Variants in CNTNAP2 observed in about 807,000 individuals in gnomAD.
The protein encoded by CNTNAP2 is contactin associated protein 2.
CNTNAP2 carries 98 observed loss-of-function variants against 155.2 expected under a neutral mutation model. The ratio of observed to expected loss-of-function variants is 0.63; its 90% CI spans 0.54 to 0.75. The LOEUF is 0.75. Ranked by LOEUF, CNTNAP2 falls within the 30% of genes least tolerant of loss-of-function variation. The pLI is 0.00. For missense variants in CNTNAP2, 1,727 were observed against 1,688.1 expected, an observed-to-expected ratio of 1.02 and a Z score of -0.40; for synonymous variants, 651 against 631.2, an observed-to-expected ratio of 1.03 and a Z score of -0.47.
rs190269481 is a variant in CNTNAP2, at chr7:146,827,237, C to T, written c.209-12474C>T. ...GGCAGTGGTTATTAAATAATGAATA[C>T]AAATAATTTCTTGACTTAAAAACAA... On this transcript the variant is annotated intron_variant, in intron 2 of 23. Transcript: ENST00000361727. Among the ~76,000 whole-genome samples the T allele has an allele frequency of 2.1e-4, 32 of 152,022 alleles. No homozygotes were observed. The East Asian group carries it at 6.2e-3, about 29-fold the overall frequency.
intron 1 of CNTNAP2, among the ~76,000 whole-genome samples, chr7:146,718,153 C>T (rs553495386): frequency 3.0e-4 from 45 of 152,094 alleles, no homozygotes; most frequent in Admixed American, 2.0e-4. Context: ...GTTTACCATA[C>T]GCATAGTTAT....
chr7:147,217,406 T>A (rs1393863327), intron 8 of CNTNAP2, among the ~76,000 whole-genome samples: 1 of 152,062 alleles, frequency 6.6e-6, no homozygotes, highest in Non-Finnish European at 1.5e-5. Flanking sequence ...TTTATTAATA[T>A]ACTTATGTGA....
At chr7:147,060,843 G>A (rs958896236) in intron 4 of CNTNAP2, among the ~76,000 whole-genome samples, 15 of 142,076 alleles carry the variant, frequency 1.1e-4, no homozygotes, top group African/African-American at 4.4e-4. Flanking sequence ...CAGCCTGGGG[G>A]ACAGAGCGAG....
intron 15 of CNTNAP2, among the ~76,000 whole-genome samples, chr7:148,043,207 G>A (rs1413855819): frequency 6.6e-6 from 1 of 152,172 alleles, no homozygotes; most frequent in Non-Finnish European, 1.5e-5. Context: ...TACAGCCCTT[G>A]CAAAGCACAT....
At chr7:146,976,512 G>A (rs1346753546) in intron 3 of CNTNAP2, among the ~76,000 whole-genome samples, 1 of 152,108 alleles carries the variant, frequency 6.6e-6, no homozygotes, top group Non-Finnish European at 1.5e-5. Flanking sequence ...CAGAACTCAG[G>A]GAAAGACTTA....
chr7:147,589,317 T>C (rs766945774), intron 12 of CNTNAP2, among the ~76,000 whole-genome samples: 2 of 152,202 alleles, frequency 1.3e-5, no homozygotes, highest in African/African-American at 2.4e-5. Flanking sequence ...CGACTGATTA[T>C]AATCCTTGGC....
intron 11 of CNTNAP2, among the ~76,000 whole-genome samples, chr7:147,490,019 A>G (rs867148302): frequency 6.6e-6 from 1 of 152,218 alleles, no homozygotes; most frequent in Non-Finnish European, 1.5e-5. Context: ...AATGAATGCA[A>G]GAGGTTAAAG....
chr7:147,065,702 A>G, intron 4 of CNTNAP2, among the ~76,000 whole-genome samples: 1 of 152,244 alleles, frequency 6.6e-6, no homozygotes, highest in Middle Eastern at 3.4e-3. Context: ...TCCATTATCA[A>G]TTTCTTAAAG....
chr7:146,802,097 T>C (rs1802888731), intron 2 of CNTNAP2, among the ~76,000 whole-genome samples: 1 of 152,192 alleles, frequency 6.6e-6, no homozygotes, highest in African/African-American at 2.4e-5. Flanking sequence ...TTCAGCAGCT[T>C]AAAACAACAC....
intron 13 of CNTNAP2, among the ~76,000 whole-genome samples, chr7:147,854,574 G>A (rs899717959): frequency 6.6e-6 from 1 of 152,118 alleles, no homozygotes; most frequent in African/African-American, 2.4e-5. Flanking sequence ...CCTACTTCAA[G>A]GTTATGTTCT....
In CNTNAP2 at chr7:146,439,599, G is replaced by T. The variant is rs139564876; in HGVS notation, c.97+322626G>T. ...ATTTCCAGAAGCCCCCAAACAAAAT[G>T]CCATCTGCATCTACTTCTTCATATT... On this transcript the variant is annotated intron_variant, in intron 1 of 23. Coordinates refer to ENST00000361727, the MANE Select transcript of CNTNAP2 (RefSeq NM_014141.6). Among the ~76,000 whole-genome samples the T allele has an allele frequency of 1.4e-3, 207 of 151,504 alleles. 8 individuals are homozygous for T. Among genetic ancestry groups the T allele is most frequent in the African/African-American group, 4.7e-3 (193 of 40,888 alleles).
chr7:148,201,659 T>C (rs1174185696), intron 18 of CNTNAP2, among the ~76,000 whole-genome samples: 1 of 152,118 alleles, frequency 6.6e-6, no homozygotes, highest in Non-Finnish European at 1.5e-5. Flanking sequence ...AACTAAACTT[T>C]GTGCCCCGTC....
At chr7:146,708,214 C>T (rs921054830) in intron 1 of CNTNAP2, among the ~76,000 whole-genome samples, 6 of 152,114 alleles carry the variant, frequency 3.9e-5, no homozygotes, top group African/African-American at 1.4e-4. Flanking sequence ...TGCTCACAAA[C>T]CTGTAAATTG....
intron 1 of CNTNAP2, among the ~76,000 whole-genome samples, chr7:146,691,153 T>A (rs1800691368): frequency 6.6e-6 from 1 of 151,660 alleles, no homozygotes; most frequent in Non-Finnish European, 1.5e-5. Flanking sequence ...GCCATTTTCT[T>A]AATATTTCCA....
chr7:146,532,440 A>G (rs995764301), intron 1 of CNTNAP2, among the ~76,000 whole-genome samples: 3 of 152,136 alleles, frequency 2.0e-5, no homozygotes. Context: ...GAACATTTCT[A>G]ACTTTTTTTT....
At chr7:146,681,797 C>A (rs1800509642) in intron 1 of CNTNAP2, among the ~76,000 whole-genome samples, 2 of 152,036 alleles carry the variant, frequency 1.3e-5, no homozygotes, top group Admixed American at 1.3e-4. Context: ...GATTAAGTGC[C>A]TTGCTAAAAG....
At chr7:147,760,749 G>A (rs1797286174) in intron 13 of CNTNAP2, among the ~76,000 whole-genome samples, 1 of 152,168 alleles carries the variant, frequency 6.6e-6, no homozygotes, top group African/African-American at 2.4e-5. Context: ...AATTCAACAA[G>A]TTGCCATTAA....
chr7:147,895,823 T>C (rs556619835), intron 13 of CNTNAP2, among the ~76,000 whole-genome samples: 6 of 152,340 alleles, frequency 3.9e-5, no homozygotes, highest in African/African-American at 1.2e-4. Flanking sequence ...GAATATAAAA[T>C]ACACAACAAA....
intron 1 of CNTNAP2, among the ~76,000 whole-genome samples, chr7:146,684,480 T>C (rs755630821): frequency 6.6e-6 from 1 of 152,046 alleles, no homozygotes; most frequent in Non-Finnish European, 1.5e-5. Context: ...TTGACTACTC[T>C]AAATCTCTGA....
Sources: gnomAD v4.1 joint callset for allele counts (sites outside exome capture counted in the v4.1 genomes callset) on GRCh38, gnomAD v4.1.1 for gene constraint, MANE v1.5 for transcripts, NCBI Gene and HGNC (gene_info 2026-07-23, HGNC 2026-07-21) for gene names.